SERINC5: variants seen among roughly 807,000 people sequenced by gnomAD.
SERINC5 encodes serine incorporator 5, also known as chromosome 5 open reading frame 12.
Under a neutral mutation model 63.1 loss-of-function variants are expected in SERINC5, and 41 were observed. The observed-to-expected ratio is 0.65, with a 90% CI of 0.51 to 0.84. SERINC5 has a LOEUF of 0.84. SERINC5 is among the 40% of genes least tolerant of loss of function. The pLI is 0.00. For missense variants in SERINC5, 523 were observed against 573.0 expected, an observed-to-expected ratio of 0.91 and a Z score of 0.89; for synonymous variants, 222 against 215.2, an observed-to-expected ratio of 1.03 and a Z score of -0.28.
At chr5:80,164,908 C>CTTTTTTTTTTTT (rs1747171665) in intron 7 of SERINC5, among the ~76,000 whole-genome samples, 1 of 89,990 alleles carries the variant, frequency 1.1e-5, no homozygotes, top group African/African-American at 5.2e-5. Context: ...AACTTTTTTT[C>CTTTTTTTTTTTT]TGTTTTTTTT....
In SERINC5 at chr5:80,214,234, CAT is replaced by C. The variant is rs1303953893; in HGVS notation, c.28-11183_28-11182del. On this transcript the variant is annotated intron_variant, in intron 1 of 11. Transcript: ENST00000507668. ...CATTTTGGGTAAAAATATAACAAGA[CAT>C]AGATCAGCACTAACAACAACAAAAA... 4.6e-5 allele frequency among the ~76,000 whole-genome samples: 7 copies of C among 152,156 alleles called. No homozygotes were observed. In the South Asian group the frequency reaches 6.2e-4, roughly 14 times the overall value.
At position 80,143,082 on chromosome 5, in the gene SERINC5, A is replaced by T; in HGVS notation, c.*581T>A. On this transcript the variant is annotated 3_prime_UTR_variant, in exon 12 of 12. Transcript: ENST00000507668. ...CTGTGATTCCCAGCATCACAACCTC[A>T]AAGGGAAACGTTTAGGGGCCGTGAA... 1 of 985,116 alleles carries T rather than the reference A, an allele frequency of 1.0e-6. No individual in the cohort carries two copies. Among genetic ancestry groups the T allele is most frequent in the Non-Finnish European group, 1.2e-6 (1 of 829,678 alleles). The allele number at this position is 985,116 out of a possible 1,614,324, so 61.0% of individuals were successfully genotyped here.
At chr5:80,163,513 A>C (rs944005285) in intron 7 of SERINC5, among the ~76,000 whole-genome samples, 4 of 149,830 alleles carry the variant, frequency 2.7e-5, no homozygotes, top group Non-Finnish European at 1.5e-5. Flanking sequence ...TATTCCTTCT[A>C]TTATTTTAAG....
chr5:80,223,428 T>G (rs1267605333), intron 1 of SERINC5, among the ~76,000 whole-genome samples: 5 of 152,218 alleles, frequency 3.3e-5, no homozygotes, highest in Non-Finnish European at 7.3e-5. Flanking sequence ...TTATTTTTAT[T>G]GTTTTGTTTT....
At chr5:80,152,976 A>G (rs1250655666) in intron 8 of SERINC5, among the ~76,000 whole-genome samples, 5 of 151,998 alleles carry the variant, frequency 3.3e-5, no homozygotes, top group East Asian at 1.9e-4. Flanking sequence ...TAAATATTCT[A>G]CTCTATAAAT....
At chr5:80,147,674 C>T (rs958075385) in intron 9 of SERINC5, among the ~76,000 whole-genome samples, 2 of 150,984 alleles carry the variant, frequency 1.3e-5, no homozygotes, top group African/African-American at 2.5e-5. Flanking sequence ...CCAATTTTGC[C>T]TCCCCTTCCC....
At chr5:80,215,770 A>G (rs967883860) in intron 1 of SERINC5, among the ~76,000 whole-genome samples, 4 of 152,192 alleles carry the variant, frequency 2.6e-5, no homozygotes, top group Non-Finnish European at 5.9e-5. Context: ...TCAAGGGTCA[A>G]CTTAGTATCT....
chr5:80,215,567 G>T (rs1750624660), intron 1 of SERINC5, among the ~76,000 whole-genome samples: 1 of 152,110 alleles, frequency 6.6e-6, no homozygotes, highest in Non-Finnish European at 1.5e-5. Flanking sequence ...CCTTTATCTG[G>T]GTTTCTTAAA....
In SERINC5 at chr5:80,204,524, C is replaced by T. The variant is rs146657765; in HGVS notation, c.28-1471G>A. 2.8e-3 allele frequency among the ~76,000 whole-genome samples: 425 copies of T among 152,256 alleles called. 2 individuals carry two copies. The highest frequency in any genetic ancestry group is 3.4e-3 in the Middle Eastern group (1 of 294). On this transcript the variant is annotated intron_variant, in intron 1 of 11. Transcript: ENST00000507668. ...GACCATAGGACATGCAGGAACAGTT[C>T]GGTGTGTGAACAAAGCTTTCATCGG...
At chr5:80,185,740 G>A (rs192787462) in intron 2 of SERINC5, among the ~76,000 whole-genome samples, 5 of 152,154 alleles carry the variant, frequency 3.3e-5, no homozygotes, top group African/African-American at 4.8e-5. Flanking sequence ...TTTTGACCCC[G>A]GATGAGTCAG....
intron 11 of SERINC5, among the ~76,000 whole-genome samples, chr5:80,131,455 G>T (rs1374123816): frequency 6.6e-6 from 1 of 152,210 alleles, no homozygotes; most frequent in African/African-American, 2.4e-5. Flanking sequence ...TACAGTGACA[G>T]AATGGGCCAA....
chr5:80,250,029 A>C (rs2112613424), intron 1 of SERINC5, among the ~76,000 whole-genome samples: 1 of 152,224 alleles, frequency 6.6e-6, no homozygotes, highest in African/African-American at 2.4e-5. Flanking sequence ...ATTTCCAATC[A>C]CTATAAACAA....
intron 7 of SERINC5, among the ~76,000 whole-genome samples, chr5:80,164,757 A>G (rs1747159233): frequency 6.6e-6 from 1 of 152,008 alleles, no homozygotes; most frequent in Non-Finnish European, 1.5e-5. Context: ...TCCAGGTGCA[A>G]TGTTAGGTTG....
intron 2 of SERINC5, among the ~76,000 whole-genome samples, chr5:80,190,256 G>A (rs532399551): frequency 2.0e-5 from 3 of 151,792 alleles, no homozygotes; most frequent in Non-Finnish European, 4.4e-5. Context: ...AGGACTACAG[G>A]TGCACACCAT....
chr5:80,176,051 T>C (rs1294457877), intron 4 of SERINC5, among the ~76,000 whole-genome samples: 1 of 151,772 alleles, frequency 6.6e-6, no homozygotes, highest in African/African-American at 2.4e-5. Context: ...TGGTGGTGCG[T>C]GCCTATAGTC....
chr5:80,251,721 C>A (rs572496080), intron 1 of SERINC5, among the ~76,000 whole-genome samples: 2 of 145,998 alleles, frequency 1.4e-5, no homozygotes, highest in African/African-American at 5.1e-5. Flanking sequence ...CAGAATGAGA[C>A]GCTGTCTCAA....
intron 1 of SERINC5, among the ~76,000 whole-genome samples, chr5:80,210,709 A>AC (rs1019106372): frequency 1.3e-5 from 2 of 152,196 alleles, no homozygotes; most frequent in Admixed American, 6.5e-5. Flanking sequence ...CAAAGGCCTG[A>AC]CTACCAGGTT....
intron 2 of SERINC5, among the ~76,000 whole-genome samples, chr5:80,179,524 C>A (rs1748282714): frequency 6.6e-6 from 1 of 152,116 alleles, no homozygotes; most frequent in Middle Eastern, 3.2e-3. Context: ...ATAAATACTG[C>A]TGTTCATGCC....
chr5:80,208,135 G>C (rs1750259223), intron 1 of SERINC5, among the ~76,000 whole-genome samples: 1 of 152,100 alleles, frequency 6.6e-6, no homozygotes, highest in Non-Finnish European at 1.5e-5. Context: ...TACTGAAAAA[G>C]TTACAGCATA....
Sources: gnomAD v4.1 joint callset for allele counts (sites outside exome capture counted in the v4.1 genomes callset) on GRCh38, gnomAD v4.1.1 for gene constraint, MANE v1.5 for transcripts, NCBI Gene and HGNC (gene_info 2026-07-23, HGNC 2026-07-21) for gene names.